The following NOTCH2 variants were observed in gnomAD, a reference collection of about 807,000 sequenced individuals.
NOTCH2 encodes neurogenic locus notch homolog protein 2.
In NOTCH2, 29 loss-of-function variants were observed where a neutral mutation model predicts 235.8. The ratio of observed to expected loss-of-function variants is 0.12; its 90% CI spans 0.09 to 0.17. The LOEUF (loss-of-function observed/expected upper bound fraction) is 0.17. NOTCH2 is among the 10% of genes least tolerant of loss of function. NOTCH2 has a pLI of 1.00. For missense variants in NOTCH2, 2,285 were observed against 3,150.2 expected (o/e 0.73, Z 6.57); for synonymous variants, 1,086 against 1,141.5 (o/e 0.95, Z 0.98).
intron 12 of NOTCH2, among the ~76,000 whole-genome samples, chr1:119,955,828 C>T (rs1255204610): frequency 2.6e-5 from 4 of 152,106 alleles, no homozygotes; most frequent in Non-Finnish European, 4.4e-5. Flanking sequence ...TTGTTGTCTT[C>T]TGATATTAGA....
intron 4 of NOTCH2, chr1:119,996,342 C>T (rs1444116715): frequency 6.6e-5 from 25 of 378,794 alleles, no homozygotes; most frequent in East Asian, 1.1e-4. Flanking sequence ...TATTGTGCCA[C>T]GCATAGTCTC....
intron 3 of NOTCH2, among the ~76,000 whole-genome samples, chr1:119,999,957 A>AAG (rs1652664344): frequency 7.6e-6 from 1 of 131,742 alleles, no homozygotes; most frequent in Non-Finnish European, 1.5e-5. Context: ...GAAAGAAAGA[A>AAG]AGAAAGAAAG....
chr1:119,948,338 C>T (rs1553197299), intron 17 of NOTCH2, 76 bp downstream of exon 17: 9 of 1,552,188 alleles, frequency 5.8e-6, no homozygotes, highest in African/African-American at 1.4e-5. Flanking sequence ...AAGGCGGCAG[C>T]CTCCACTGGG....
chr1:120,045,455 A>G (rs1654744811), intron 1 of NOTCH2, among the ~76,000 whole-genome samples: 1 of 115,784 alleles, frequency 8.6e-6, no homozygotes, highest in Non-Finnish European at 1.5e-5. Context: ...CTTGCTAGTT[A>G]AGGTGGAAAG....
At chr1:119,977,673 T>C (rs1651641540) in intron 5 of NOTCH2, among the ~76,000 whole-genome samples, 1 of 152,208 alleles carries the variant, frequency 6.6e-6, no homozygotes, top group Non-Finnish European at 1.5e-5. Flanking sequence ...TTTACATTGA[T>C]TGTCAACTAT....
In NOTCH2 at chr1:119,916,487, C is replaced by G. The variant is rs759581817; in HGVS notation, c.6235G>C (p.Ala2079Pro). 1 of 1,612,434 alleles carries G rather than the reference C, an allele frequency of 6.2e-7. No individual in the cohort carries two copies. Among genetic ancestry groups the G allele is most frequent in the Non-Finnish European group, 8.5e-7 (1 of 1,178,594 alleles). Residue 2079 changes from alanine to proline, a missense_variant, in exon 34 of 34, where the codon GCT (alanine) becomes CCT (proline). Around this residue, in one of 6 missense-constraint regions of NOTCH2, gnomAD observed 504 missense variants for 538.0 expected, o/e 0.94. Transcript: ENST00000256646. ...PSPPGTVLTS[A>P]LSPVICGPNR... ...GGCCCACAGATGACAGGTGAGAGAG[C>G]AGAAGTCAACACGGTGCCTGGAGGG... is the stretch of plus-strand genomic sequence containing the variant.
At chr1:119,986,640 A>G (rs1652029096) in intron 5 of NOTCH2, among the ~76,000 whole-genome samples, 1 of 152,160 alleles carries the variant, frequency 6.6e-6, no homozygotes, top group Non-Finnish European at 1.5e-5. Context: ...AGCATCTACT[A>G]TGTTCCAGGT....
At chr1:119,947,489 A>C (rs1422104096) in intron 17 of NOTCH2, among the ~76,000 whole-genome samples, 2 of 152,216 alleles carry the variant, frequency 1.3e-5, no homozygotes, top group African/African-American at 4.8e-5. Flanking sequence ...TAGAAGAGCT[A>C]AATTTAAATG....
chr1:119,945,758 C>T (rs1650231556), intron 17 of NOTCH2, among the ~76,000 whole-genome samples: 1 of 151,884 alleles, frequency 6.6e-6, no homozygotes, highest in South Asian at 2.1e-4. Context: ...GATGAATATA[C>T]AATGATAGTA....
intron 19 of NOTCH2, 50 bp from the exon 20 acceptor site, chr1:119,938,060 T>C: frequency 1.3e-6 from 2 of 1,588,856 alleles, no homozygotes; most frequent in Non-Finnish European, 1.7e-6. Flanking sequence ...ATACTAGAAA[T>C]GAAGAAAAGA....
In NOTCH2 at chr1:119,918,347, C is replaced by G. The variant is rs1649158979; in HGVS notation, c.5929+59G>C. The stretch of plus-strand genomic sequence containing the variant: ...TCTCTAAGGGTCACGTAACTCTATT[C>G]CCCTCGTCAGAGGCATGCTTTGCAG... On this transcript the variant is annotated intron_variant, in intron 32 of 33. Transcript: ENST00000256646. The G allele has an allele frequency of 3.1e-6, 5 of 1,593,992 alleles. No individual in the cohort carries two copies. The South Asian group carries it at 5.5e-5, about 18-fold the overall frequency.
At chr1:120,068,800 C>T (rs1169854461) in intron 1 of NOTCH2, 3 of 374,790 alleles carry the variant, frequency 8.0e-6, no homozygotes, top group South Asian at 2.0e-5. Context: ...TCAGGCGCGC[C>T]GCAAAACCCC....
intron 3 of NOTCH2, among the ~76,000 whole-genome samples, chr1:119,999,903 AAG>A (rs1239709294): frequency 4.8e-5 from 7 of 144,630 alleles, no homozygotes; most frequent in African/African-American, 1.8e-4. Context: ...AAGAGAGAGA[AAG>A]AGAGAAAGAG....
intron 18 of NOTCH2, among the ~76,000 whole-genome samples, chr1:119,941,231 G>A (rs917612714): frequency 6.6e-6 from 1 of 152,184 alleles, no homozygotes; most frequent in Non-Finnish European, 1.5e-5. Flanking sequence ...GGAATTTTTG[G>A]ATTTTTGAAA....
At chr1:119,986,881 A>C in intron 5 of NOTCH2, 79 bp downstream of exon 5, 1 of 1,585,782 alleles carries the variant, frequency 6.3e-7, no homozygotes, top group Non-Finnish European at 8.6e-7. Context: ...GATATTTGTT[A>C]CTGATATTTT....
Position 119,987,095 on chromosome 1 carries a change from G to T in NOTCH2, c.752-13C>A. On this transcript the variant is annotated splice_polypyrimidine_tract_variant and intron_variant, in intron 4 of 33. Coordinates refer to ENST00000256646, the MANE Select transcript of NOTCH2 (RefSeq NM_024408.4). Reference sequence around the variant, plus strand: ...CTCCCTTCAAAACCTGGTAAATGAAGAACAAATGAAAATGATGAAATCTCA... The same window carrying T: ...CTCCCTTCAAAACCTGGTAAATGAATAACAAATGAAAATGATGAAATCTCA... 1.9e-6 allele frequency: 3 copies of T among 1,612,376 alleles called. No homozygotes were observed. Among genetic ancestry groups the T allele is most frequent in the South Asian group, 2.2e-5 (2 of 91,062 alleles).
rs782626803 is a variant in NOTCH2 at position 119,996,989 on chromosome 1, C to T, written c.751+8G>A. The T allele has an allele frequency of 8.4e-5, 135 of 1,612,944 alleles. No individual in the cohort carries two copies. Among genetic ancestry groups the T allele is most frequent in the Non-Finnish European group, 1.1e-4 (128 of 1,179,314 alleles). On this transcript the variant is annotated splice_region_variant and intron_variant, in intron 4 of 33. Coordinates refer to ENST00000256646, the MANE Select transcript of NOTCH2 (RefSeq NM_024408.4). ...CCCCTAATCCTGGGACACTAGGGAGCTCCTTACCTGGAAGGCAGTTGCACT... is the reference window on the plus strand; with the variant it reads ...CCCCTAATCCTGGGACACTAGGGAGTTCCTTACCTGGAAGGCAGTTGCACT...
chr1:119,929,881 T>C (rs112187814), intron 22 of NOTCH2, among the ~76,000 whole-genome samples: 1 of 152,252 alleles, frequency 6.6e-6, no homozygotes, highest in Non-Finnish European at 1.5e-5. Flanking sequence ...TCATAGTAAA[T>C]GCCCTATACA....
At chr1:119,941,138 CATA>C (rs1361417278) in intron 18 of NOTCH2, among the ~76,000 whole-genome samples, 11 of 152,254 alleles carry the variant, frequency 7.2e-5, no homozygotes, top group Admixed American at 5.2e-4. Context: ...CAAACATGCT[CATA>C]ATATTATAAA....
Sources: gnomAD v4.1 joint callset for allele counts (sites outside exome capture counted in the v4.1 genomes callset) on GRCh38, gnomAD v4.1.1 for gene constraint, gnomAD v4.1.1 regional missense constraint, MANE v1.5 for transcripts, NCBI Gene and HGNC (gene_info 2026-07-23, HGNC 2026-07-21) for gene names.